The following SLC45A4 variants were observed in gnomAD, a reference collection of about 807,000 sequenced individuals.
SLC45A4 encodes the protein solute carrier family 45 member 4.
A neutral mutation model predicts 63.7 loss-of-function variants in SLC45A4; 32 were observed. The ratio of observed to expected loss-of-function variants is 0.50; its 90% CI spans 0.38 to 0.67. The LOEUF (loss-of-function observed/expected upper bound fraction) is 0.67, where lower values mean the gene tolerates loss of function less well. Ranked by LOEUF, SLC45A4 falls within the 30% of genes least tolerant of loss-of-function variation. The pLI, the probability that SLC45A4 is intolerant of heterozygous loss-of-function variation, is 0.00. For missense variants in SLC45A4, 1,027 were observed against 1,157.7 expected (o/e 0.89, Z 1.64); for synonymous variants, 535 against 510.0 (o/e 1.05, Z -0.66).
Position 141,218,616 on chromosome 8 carries a change from C to T in SLC45A4, c.1024G>A (p.Ala342Thr), listed in dbSNP as rs149379858. ...TCCTGGCTGGTGCTGCGGGGGGTGG[C>T]GGGGTAGGAGGCGTCGTGGAAGATG... ...PSIFHDASYP[A>T]TPRSTSQELA... is the part of the protein sequence containing the mutation. The change falls in exon 5 of 9, where the codon GCC (alanine) becomes ACC (threonine). Residue 342 changes from alanine to threonine, a missense_variant. Physicochemically the swap from Ala to Thr is moderately conservative, Grantham distance 58 (BLOSUM62 0). Coordinates refer to ENST00000517878, the MANE Select transcript of SLC45A4 (RefSeq NM_001286646.2). The T allele has an allele frequency of 1.1e-4, 176 of 1,613,234 alleles. No homozygotes were observed. The African/African-American group carries it at 2.0e-3, about 18-fold the overall frequency.
chr8:141,307,839 G>A (rs1399646593), intron 1 of SLC45A4, among the ~76,000 whole-genome samples: 1 of 150,842 alleles, frequency 6.6e-6, no homozygotes, highest in African/African-American at 2.4e-5. Flanking sequence ...GGAGGCTGCA[G>A]GGCTGGGGAC....
chr8:141,223,092 G>A (rs1826752861), intron 2 of SLC45A4, among the ~76,000 whole-genome samples: 1 of 152,248 alleles, frequency 6.6e-6, no homozygotes, highest in Non-Finnish European at 1.5e-5. Flanking sequence ...ACTTGTGTGG[G>A]AGGAGGAAAT....
In SLC45A4 at chr8:141,229,491, C is replaced by A. The variant is rs1274683567; in HGVS notation, c.242-7726G>T. ...GGGAGGGTCCAGCCAGTGCCTTCCCCGGGTAGGGGCAGCTCCCCTGGTGTC... is the reference window on the plus strand; with the variant it reads ...GGGAGGGTCCAGCCAGTGCCTTCCCAGGGTAGGGGCAGCTCCCCTGGTGTC... On this transcript the variant is annotated intron_variant, in intron 2 of 8. Coordinates refer to ENST00000517878, the MANE Select transcript of SLC45A4 (RefSeq NM_001286646.2). The surrounding 1 kb of genome is among the most constrained non-coding windows in gnomAD (Gnocchi z 5.0). Among the ~76,000 whole-genome samples, 1 of 152,156 alleles carries A rather than the reference C, an allele frequency of 6.6e-6. No individual in the cohort carries two copies. The highest frequency in any genetic ancestry group is 1.5e-5 in the Non-Finnish European group (1 of 68,034).
At chr8:141,211,849 T>C (rs1317492127) in intron 8 of SLC45A4, 152 bp from the exon 9 acceptor site, 1 of 1,302,720 alleles carries the variant, frequency 7.7e-7, no homozygotes, top group African/African-American at 1.5e-5. Context: ...AGTTGCTTAT[T>C]GTCTATATAA....
intron 2 of SLC45A4, among the ~76,000 whole-genome samples, chr8:141,224,047 G>A (rs1422132425): frequency 2.0e-5 from 3 of 151,088 alleles, no homozygotes; most frequent in Admixed American, 6.6e-5. Context: ...CTCTGCTGAC[G>A]ACAAATGCTC....
intron 1 of SLC45A4, among the ~76,000 whole-genome samples, chr8:141,294,843 C>T (rs763209557): frequency 1.6e-4 from 25 of 152,220 alleles, no homozygotes; most frequent in Non-Finnish European, 3.1e-4. Flanking sequence ...GCAGAGCCCA[C>T]CAAGGGCCAA....
chr8:141,274,922 G>A (rs1015451091), intron 1 of SLC45A4, among the ~76,000 whole-genome samples: 7 of 152,240 alleles, frequency 4.6e-5, no homozygotes, highest in African/African-American at 1.7e-4. Flanking sequence ...GGGGGCCCCA[G>A]GGGCATTCCG....
Position 141,219,650 on chromosome 8 carries a change from C to A in SLC45A4, c.610G>T (p.Gly204Cys). The A allele has an allele frequency of 1.2e-6, 2 of 1,604,640 alleles. No homozygotes were observed. Among genetic ancestry groups the A allele is most frequent in the South Asian group, 2.2e-5 (2 of 90,168 alleles). Residue 204 changes from glycine to cysteine, a missense_variant and splice_region_variant, in exon 4 of 9, where the codon GGC becomes TGC. Gly to Cys is a radical substitution (Grantham distance 159). Transcript: ENST00000517878. ...CCCAGCCTTGGTGCGGCAGCGTTAC[C>A]GGCAGAGAAGGCGTGGATGTTGAGG... ...MALNIHAFSA[G>C]LGGAIGYVLG...
chr8:141,211,803 T>C, intron 8 of SLC45A4, 106 bp from the exon 9 acceptor site: 1 of 1,348,134 alleles, frequency 7.4e-7, no homozygotes, highest in Non-Finnish European at 9.6e-7. Context: ...TTGTTTTCAA[T>C]TATAATTTTA....
intron 2 of SLC45A4, among the ~76,000 whole-genome samples, chr8:141,222,051 CACTG>C (rs1826675500): frequency 6.6e-6 from 1 of 152,224 alleles, no homozygotes; most frequent in Non-Finnish European, 1.5e-5. Context: ...GGGCAGCACA[CACTG>C]ACTGTGCAGG....
intron 1 of SLC45A4, among the ~76,000 whole-genome samples, chr8:141,267,162 C>T (rs957682276): frequency 6.6e-6 from 1 of 152,274 alleles, no homozygotes; most frequent in African/African-American, 2.4e-5. Flanking sequence ...AGGAGACTTC[C>T]GTGACACTTC....
intron 1 of SLC45A4, among the ~76,000 whole-genome samples, chr8:141,276,344 G>A (rs1178529440): frequency 6.6e-6 from 1 of 152,160 alleles, no homozygotes; most frequent in African/African-American, 2.4e-5. Context: ...ATCTCAGATG[G>A]CCTAGACCTT....
At chr8:141,307,425 A>G (rs904463420) in intron 1 of SLC45A4, among the ~76,000 whole-genome samples, 1 of 152,140 alleles carries the variant, frequency 6.6e-6, no homozygotes, top group Non-Finnish European at 1.5e-5. Flanking sequence ...ACCGGGGCAG[A>G]GCCACAGTCT....
chr8:141,270,519 A>G (rs1255611423), intron 1 of SLC45A4, among the ~76,000 whole-genome samples: 1 of 151,954 alleles, frequency 6.6e-6, no homozygotes, highest in East Asian at 1.9e-4. Context: ...ACAAAAAAAA[A>G]AATTAGCCAG....
chr8:141,243,709 A>AT (rs1175494676), intron 2 of SLC45A4, among the ~76,000 whole-genome samples: 1 of 151,740 alleles, frequency 6.6e-6, no homozygotes, highest in African/African-American at 2.4e-5. Context: ...ATTTACACAG[A>AT]TTTTCTTCCG....
chr8:141,263,684 T>C (rs896018193), intron 1 of SLC45A4, among the ~76,000 whole-genome samples: 3 of 149,436 alleles, frequency 2.0e-5, no homozygotes, highest in Non-Finnish European at 3.0e-5. Context: ...GCAGGAGAAT[T>C]GCTTGAACCC....
At chr8:141,249,103 G>A (rs905225514) in intron 2 of SLC45A4, among the ~76,000 whole-genome samples, 1 of 152,022 alleles carries the variant, frequency 6.6e-6, no homozygotes, top group Non-Finnish European at 1.5e-5. Flanking sequence ...AGTTGAAAAG[G>A]ACTGACAACA....
chr8:141,263,868 G>A (rs537029782), intron 1 of SLC45A4, among the ~76,000 whole-genome samples: 1 of 152,208 alleles, frequency 6.6e-6, no homozygotes, highest in East Asian at 1.9e-4. Context: ...GTCAAGGAGT[G>A]GCTATGAATA....
intron 5 of SLC45A4, 138 bp from the exon 6 acceptor site, chr8:141,217,327 C>G: frequency 1.2e-6 from 1 of 844,052 alleles, no homozygotes. Flanking sequence ...GGAGGAGAGC[C>G]CAGCCCAAGT....
Sources: gnomAD v4.1 joint callset for allele counts (sites outside exome capture counted in the v4.1 genomes callset) on GRCh38, gnomAD v4.1.1 for gene constraint, Gnocchi (gnomAD v3.1) non-coding constraint, MANE v1.5 for transcripts, NCBI Gene and HGNC (gene_info 2026-07-23, HGNC 2026-07-21) for gene names.